Variants in RADIL observed in about 807,000 individuals in gnomAD.
RADIL encodes ras-associating and dilute domain-containing protein.
RADIL carries 99 observed loss-of-function variants against 97.6 expected under a neutral mutation model. The ratio of observed to expected loss-of-function variants is 1.01; its 90% CI spans 0.86 to 1.20. RADIL has a LOEUF of 1.20. Ranked by LOEUF, RADIL falls within the 50% of genes most tolerant of loss-of-function variation. RADIL has a pLI of 0.00. For missense variants in RADIL, 1,765 were observed against 1,498.9 expected (o/e 1.18, Z -2.93); for synonymous variants, 803 against 691.8 (o/e 1.16, Z -2.52).
Position 4,836,343 on chromosome 7 carries a change from G to A in RADIL, c.783+15C>T, listed in dbSNP as rs1208018158. 6.4e-7 allele frequency: 1 copy of A among 1,565,932 alleles called. No homozygotes were observed. The highest frequency in any genetic ancestry group is 8.7e-7 in the Non-Finnish European group (1 of 1,155,146). Reference sequence around the variant, plus strand: ...CAGTGGCACCGGGCAGTGGGTGTCAGGAGGGGAGGCTCACGTGCTGCTGGC... The same window carrying A: ...CAGTGGCACCGGGCAGTGGGTGTCAAGAGGGGAGGCTCACGTGCTGCTGGC... On this transcript the variant is annotated intron_variant, in intron 3 of 14. Coordinates refer to ENST00000399583, the MANE Select transcript of RADIL (RefSeq NM_018059.5).
rs1287190686 is a variant in RADIL, at chr7:4,840,824, G to A, written c.536-4219C>T. Among the ~76,000 whole-genome samples, 2 of 152,108 alleles carry A rather than the reference G, an allele frequency of 1.3e-5. No individual in the cohort carries two copies. Among genetic ancestry groups the A allele is most frequent in the Admixed American group, 1.3e-4 (2 of 15,268 alleles). On this transcript the variant is annotated intron_variant, in intron 2 of 14. Coordinates refer to ENST00000399583, the MANE Select transcript of RADIL (RefSeq NM_018059.5). The surrounding 1 kb of genome is among the most constrained non-coding windows in gnomAD (Gnocchi z 5.6). ...TGTACTAAAAATACAAAACTTAGCT[G>A]GGCGTGGAGGTGGGCGCCTGTAGTC... is the stretch of plus-strand genomic sequence containing the variant.
At position 4,872,191 on chromosome 7, in the gene RADIL, G is replaced by A. The variant is rs1784272258; in HGVS notation, c.535+5414C>T. Among the ~76,000 whole-genome samples, 2 of 152,188 alleles carry A rather than the reference G, an allele frequency of 1.3e-5. No individual in the cohort carries two copies. Among genetic ancestry groups the A allele is most frequent in the East Asian group, 1.9e-4 (1 of 5,174 alleles). On this transcript the variant is annotated intron_variant, in intron 2 of 14. Transcript: ENST00000399583. This position sits in a 1 kb window ranked among gnomAD's most constrained non-coding sequence, Gnocchi z 5.8. ...CCAGGCAGCCAGGTCCAATACTGCA[G>A]CTCTCAATAGAGGGCAGGTCTGCCT...
chr7:4,813,217 G>C lies in RADIL; in HGVS notation c.2139+2061C>G, dbSNP rs1302369184. On this transcript the variant is annotated intron_variant, in intron 9 of 14. Transcript: ENST00000399583. This position sits in a 1 kb window ranked among gnomAD's most constrained non-coding sequence, Gnocchi z 5.0. ...AAGCGTTTAATTCCTGGACTCAAAT[G>C]ATCCTCCTACCTCAACCTCCCAAGT... Among the ~76,000 whole-genome samples, 1 of 151,910 alleles carries C rather than the reference G, an allele frequency of 6.6e-6. No homozygotes were observed. The highest frequency in any genetic ancestry group is 1.5e-5 in the Non-Finnish European group (1 of 68,000).
At chr7:4,838,524 G>A (rs745665106) in intron 2 of RADIL, among the ~76,000 whole-genome samples, 2 of 152,134 alleles carry the variant, frequency 1.3e-5, no homozygotes, top group Non-Finnish European at 2.9e-5. Flanking sequence ...CCAGGCAAGT[G>A]GCTCGCAGCT....
At chr7:4,808,484 G>A in intron 9 of RADIL, 2 of 739,168 alleles carry the variant, frequency 2.7e-6, no homozygotes, top group Non-Finnish European at 3.3e-6. Context: ...TATTTTTATA[G>A]GGCCCCCAAG....
chr7:4,802,174 G>A (rs1050680058), intron 11 of RADIL, among the ~76,000 whole-genome samples, 179 bp from the exon 12 acceptor site: 2 of 152,160 alleles, frequency 1.3e-5, no homozygotes, highest in African/African-American at 4.8e-5. Context: ...CCCGCCATCC[G>A]GAGCACAGCC....
rs1190531614 is a variant in RADIL, at chr7:4,797,554, C to T, written c.*1824G>A. 1 of 152,196 alleles carries T rather than the reference C, an allele frequency of 6.6e-6. No homozygotes were observed. Among genetic ancestry groups the T allele is most frequent in the Non-Finnish European group, 1.5e-5 (1 of 68,036 alleles). 9.4% of individuals were successfully genotyped at this position (152,196 alleles called of 1,614,324 possible). On this transcript the variant is annotated 3_prime_UTR_variant, in exon 15 of 15. Transcript: ENST00000399583. ...CCCACATAAAAAATATACTCAACCC[C>T]CTTCCACCGTTAAGGCATCAAATCA...
At chr7:4,802,940 C>T (rs1289502444) in intron 11 of RADIL, among the ~76,000 whole-genome samples, 20 of 100,880 alleles carry the variant, frequency 2.0e-4, no homozygotes, top group African/African-American at 7.8e-4. Flanking sequence ...CCTCCCCGGG[C>T]ACCTCGGGGC....
At chr7:4,851,124 G>C (rs1439838404) in intron 2 of RADIL, among the ~76,000 whole-genome samples, 2 of 151,738 alleles carry the variant, frequency 1.3e-5, no homozygotes, top group East Asian at 3.9e-4. Flanking sequence ...AGAATCACTT[G>C]AATGTGGGAG....
rs993027809 is a variant in RADIL at position 4,821,554 on chromosome 7, C to T, written c.1615+840G>A. On this transcript the variant is annotated intron_variant, in intron 6 of 14. Coordinates refer to ENST00000399583, the MANE Select transcript of RADIL (RefSeq NM_018059.5). This position sits in a 1 kb window ranked among gnomAD's most constrained non-coding sequence, Gnocchi z 5.2. ...TCCCTTAGTATTTTCAGAACACTTC[C>T]TACTGCATTTCAGAAATCCTGAAAT... 1.3e-5 allele frequency among the ~76,000 whole-genome samples: 2 copies of T among 152,152 alleles called. No homozygotes were observed. The highest frequency in any genetic ancestry group is 2.9e-5 in the Non-Finnish European group (2 of 68,034).
At chr7:4,861,963 G>C in intron 2 of RADIL, 1 of 468,876 alleles carries the variant, frequency 2.1e-6, no homozygotes, top group East Asian at 3.3e-5. Context: ...GCCGCTTCAG[G>C]AGCTTCTCCT....
chr7:4,881,726 C>CAA (rs540740997), intron 1 of RADIL, among the ~76,000 whole-genome samples: 3 of 79,146 alleles, frequency 3.8e-5, no homozygotes, highest in African/African-American at 4.0e-5. Flanking sequence ...GACTCCGTCT[C>CAA]AAAAAAAAAA....
chr7:4,870,744 A>G (rs1784233879), intron 2 of RADIL, among the ~76,000 whole-genome samples: 1 of 152,090 alleles, frequency 6.6e-6, no homozygotes, highest in Non-Finnish European at 1.5e-5. Flanking sequence ...GTGCCCGACT[A>G]TTTTATGTCT....
intron 5 of RADIL, among the ~76,000 whole-genome samples, chr7:4,831,815 G>T (rs1027085794): frequency 2.0e-5 from 3 of 152,164 alleles, no homozygotes; most frequent in African/African-American, 4.8e-5. Flanking sequence ...TTGAACCTGG[G>T]AGGTGTAGGT....
rs1784443976 is a variant in RADIL, at chr7:4,879,606, C to T, written c.-64-1403G>A. 1.3e-5 allele frequency among the ~76,000 whole-genome samples: 2 copies of T among 152,182 alleles called. No individual in the cohort carries two copies. The highest frequency in any genetic ancestry group is 2.9e-5 in the Non-Finnish European group (2 of 68,042). The stretch of plus-strand genomic sequence containing the variant: ...CGACCGGGGTCAGTACTAAACACCG[C>T]AGCAGCCAACTGTCACTGTCCAGGC... On this transcript the variant is annotated intron_variant, in intron 1 of 14. Transcript: ENST00000399583. The surrounding 1 kb of genome is among the most constrained non-coding windows in gnomAD (Gnocchi z 4.1).
At chr7:4,864,662 T>G (rs1328024011) in intron 2 of RADIL, among the ~76,000 whole-genome samples, 15 of 152,198 alleles carry the variant, frequency 9.9e-5, no homozygotes, top group Admixed American at 9.8e-4. Context: ...GGAGTCATTC[T>G]GGACACCTCC....
chr7:4,809,048 C>G, intron 9 of RADIL: 1 of 933,634 alleles, frequency 1.1e-6, no homozygotes, highest in African/African-American at 2.1e-5. Context: ...CGCCACTGCC[C>G]CCCCGTTCCA....
intron 9 of RADIL, among the ~76,000 whole-genome samples, chr7:4,810,186 C>T (rs1009258952): frequency 2.6e-5 from 4 of 151,900 alleles, no homozygotes; most frequent in African/African-American, 9.7e-5. Context: ...AATTTTATGA[C>T]AGGGTCTTAC....
chr7:4,855,716 A>G (rs1278846440), intron 2 of RADIL, among the ~76,000 whole-genome samples: 1 of 138,090 alleles, frequency 7.2e-6, no homozygotes, highest in Non-Finnish European at 1.6e-5. Context: ...TTTCATGTTT[A>G]TTGGCCGTTC....
Sources: gnomAD v4.1 joint callset for allele counts (sites outside exome capture counted in the v4.1 genomes callset) on GRCh38, gnomAD v4.1.1 for gene constraint, Gnocchi (gnomAD v3.1) non-coding constraint, MANE v1.5 for transcripts, NCBI Gene and HGNC (gene_info 2026-07-23, HGNC 2026-07-21) for gene names.